Variants in DPP10 observed in about 807,000 individuals in gnomAD.
The protein encoded by DPP10 is dipeptidyl peptidase like 10, also known as inactive dipeptidyl peptidase 10.
DPP10 carries 33 observed loss-of-function variants against 120.9 expected under a neutral mutation model. The ratio of observed to expected loss-of-function variants is 0.27; its 90% confidence interval spans 0.21 to 0.37. DPP10 has a LOEUF of 0.37. Ranked by LOEUF, DPP10 falls within the 10% of genes least tolerant of loss-of-function variation. DPP10 has a pLI of 1.00. For missense variants in DPP10, 816 were observed against 942.8 expected, an observed-to-expected ratio of 0.87 and a Z score of 1.76; for synonymous variants, 337 against 326.1, an observed-to-expected ratio of 1.03 and a Z score of -0.36.
chr2:115,820,565 T>G (rs1687709891), intron 21 of DPP10, among the ~76,000 whole-genome samples: 1 of 152,092 alleles, frequency 6.6e-6, no homozygotes, highest in South Asian at 2.1e-4. Flanking sequence ...GTGTGTAGTC[T>G]TTCATCCCTT....
intron 3 of DPP10, among the ~76,000 whole-genome samples, chr2:115,381,690 A>C (rs559159384): frequency 1.2e-4 from 19 of 152,048 alleles, no homozygotes; most frequent in African/African-American, 4.6e-4. Context: ...GGTTTTATCT[A>C]CTTTTGGTCT....
intron 1 of DPP10, among the ~76,000 whole-genome samples, chr2:114,631,804 G>T (rs1159544435): frequency 1.3e-5 from 2 of 152,048 alleles, no homozygotes; most frequent in Non-Finnish European, 2.9e-5. Context: ...CAATCATCTA[G>T]TGTCTGGTAT....
At chr2:114,544,917 T>A (rs1172862042) in intron 1 of DPP10, among the ~76,000 whole-genome samples, 1 of 152,010 alleles carries the variant, frequency 6.6e-6, no homozygotes, top group African/African-American at 2.4e-5. Flanking sequence ...AGTGGCGAGA[T>A]CTTGGCTCAC....
intron 1 of DPP10, among the ~76,000 whole-genome samples, chr2:114,493,843 C>T (rs2104453541): frequency 6.6e-6 from 1 of 152,110 alleles, no homozygotes; most frequent in Non-Finnish European, 1.5e-5. Context: ...ATGGTAAAAT[C>T]GATGTGGGAG....
intron 3 of DPP10, among the ~76,000 whole-genome samples, chr2:115,365,442 G>T (rs374225794): frequency 6.6e-6 from 1 of 151,932 alleles, no homozygotes; most frequent in East Asian, 1.9e-4. Flanking sequence ...AGGCAGAGAT[G>T]GTCCAAGTTG....
chr2:114,451,308 T>C (rs1382209245), intron 1 of DPP10, among the ~76,000 whole-genome samples: 1 of 152,134 alleles, frequency 6.6e-6, no homozygotes, highest in Non-Finnish European at 1.5e-5. Context: ...CGTTCTCTCA[T>C]TGTTACAGTC....
intron 1 of DPP10, among the ~76,000 whole-genome samples, chr2:114,480,182 C>T (rs1199898127): frequency 1.3e-4 from 19 of 151,258 alleles, no homozygotes; most frequent in African/African-American, 2.4e-4. Context: ...GTTAGAATGG[C>T]AATCATTAAA....
At chr2:114,969,330 C>G (rs1182837210) in intron 1 of DPP10, among the ~76,000 whole-genome samples, 3 of 152,114 alleles carry the variant, frequency 2.0e-5, no homozygotes, top group Non-Finnish European at 4.4e-5. Flanking sequence ...TTTGGAAGAG[C>G]ATTACTAAGT....
At chr2:115,456,846 G>C (rs1017406192) in intron 3 of DPP10, among the ~76,000 whole-genome samples, 3 of 151,886 alleles carry the variant, frequency 2.0e-5, no homozygotes, top group African/African-American at 7.3e-5. Flanking sequence ...AGCATTAGGA[G>C]TATAGGAGTA....
At chr2:115,507,771 A>G (rs182979095) in intron 4 of DPP10, among the ~76,000 whole-genome samples, 2 of 152,186 alleles carry the variant, frequency 1.3e-5, no homozygotes, top group Non-Finnish European at 2.9e-5. Context: ...CACTCTGTCA[A>G]TTATATGGAG....
At chr2:114,657,829 G>A (rs1006869916) in intron 1 of DPP10, among the ~76,000 whole-genome samples, 14 of 152,070 alleles carry the variant, frequency 9.2e-5, no homozygotes, top group African/African-American at 3.4e-4. Flanking sequence ...TTATTTGCCT[G>A]TAAATACTCT....
At position 114,767,240 on chromosome 2, in the gene DPP10, T is replaced by C. The variant is rs189419696; in HGVS notation, c.60+324402T>C. 7.5e-3 allele frequency among the ~76,000 whole-genome samples: 709 copies of C among 94,494 alleles called. 6 individuals are homozygous for C. Among genetic ancestry groups the C allele is most frequent in the Non-Finnish European group, 0.013 (613 of 46,550 alleles). 62.0% of individuals were successfully genotyped at this position (94,494 alleles called of 152,430 possible). A position where few individuals can be genotyped will look rare whatever the true frequency, so the allele number is the denominator to read the frequency against. ...AAAAAAAAAAAAAAAAGTTTTAAAC[T>C]GAAAGAGTGAAAGATAGATTTGAAG... On this transcript the variant is annotated intron_variant, in intron 1 of 25. Coordinates refer to ENST00000410059, the MANE Select transcript of DPP10 (RefSeq NM_020868.6).
intron 1 of DPP10, among the ~76,000 whole-genome samples, chr2:114,489,286 C>T (rs1015233695): frequency 1.3e-5 from 2 of 152,100 alleles, no homozygotes; most frequent in Admixed American, 6.6e-5. Flanking sequence ...GACAGCCTTC[C>T]TGAGCAGCTG....
At chr2:114,580,055 A>T (rs1486050948) in intron 1 of DPP10, among the ~76,000 whole-genome samples, 1 of 152,238 alleles carries the variant, frequency 6.6e-6, no homozygotes, top group African/African-American at 2.4e-5. Context: ...TAAGAGCTTT[A>T]CATGTCTAAC....
intron 3 of DPP10, among the ~76,000 whole-genome samples, chr2:115,497,376 A>G (rs1413546754): frequency 6.6e-6 from 1 of 152,150 alleles, no homozygotes; most frequent in African/African-American, 2.4e-5. Context: ...CAGCCAGCCT[A>G]CGAGCCTAAA....
chr2:114,725,555 C>T (rs1701989590), intron 1 of DPP10, among the ~76,000 whole-genome samples: 1 of 152,216 alleles, frequency 6.6e-6, no homozygotes, highest in Admixed American at 6.5e-5. Context: ...ATGCTCAGAG[C>T]TTCTCTCCAG....
At chr2:114,532,296 T>TATATATACACACAC (rs1342125338) in intron 1 of DPP10, among the ~76,000 whole-genome samples, 3 of 74,754 alleles carry the variant, frequency 4.0e-5, no homozygotes, top group African/African-American at 1.3e-4. Flanking sequence ...TATATATATA[T>TATATATACACACAC]ACACACACAC....
At chr2:115,524,589 A>G (rs1248717695) in intron 4 of DPP10, among the ~76,000 whole-genome samples, 1 of 152,088 alleles carries the variant, frequency 6.6e-6, no homozygotes, top group African/African-American at 2.4e-5. Flanking sequence ...ATCACTGGCC[A>G]GTTGCTGAAC....
At chr2:114,822,401 A>C (rs1288356458) in intron 1 of DPP10, among the ~76,000 whole-genome samples, 1 of 152,036 alleles carries the variant, frequency 6.6e-6, no homozygotes, top group Admixed American at 6.5e-5. Flanking sequence ...CTGGCCCATG[A>C]GACCATTTTT....
Sources: allele counts gnomAD v4.1 joint callset (sites outside exome capture counted in the v4.1 genomes callset), GRCh38; gene constraint gnomAD v4.1.1; transcripts MANE v1.5; gene names NCBI Gene and HGNC (gene_info 2026-07-23, HGNC 2026-07-21).